Variants in MSRA observed in about 807,000 individuals in gnomAD.
MSRA encodes methionine sulfoxide reductase A.
In MSRA, 54 loss-of-function variants were observed where a neutral mutation model predicts 31.3. That is an observed-to-expected ratio of 1.73 (90% CI 1.39 to 2.17). MSRA has a LOEUF of 2.17. Ranked by LOEUF, MSRA falls within the 30% of genes most tolerant of loss-of-function variation. The pLI is 0.00. For missense variants in MSRA, 507 were observed against 300.9 expected (o/e 1.69, Z -5.07); for synonymous variants, 169 against 116.5 (o/e 1.45, Z -2.90).
At chr8:10,137,543 G>C (rs1422120258) in intron 1 of MSRA, among the ~76,000 whole-genome samples, 2 of 152,132 alleles carry the variant, frequency 1.3e-5, no homozygotes, top group Non-Finnish European at 2.9e-5. Flanking sequence ...TATAACAAAC[G>C]AACTAACCCA....
At chr8:10,297,723 C>G (rs779001923) in intron 3 of MSRA, among the ~76,000 whole-genome samples, 3 of 152,182 alleles carry the variant, frequency 2.0e-5, no homozygotes, top group Non-Finnish European at 2.9e-5. Flanking sequence ...GCAAATGAAT[C>G]TTGAATTTGA....
At chr8:10,422,546 G>A (rs1240588595) in intron 5 of MSRA, among the ~76,000 whole-genome samples, 2 of 152,168 alleles carry the variant, frequency 1.3e-5, no homozygotes, top group Non-Finnish European at 2.9e-5. Context: ...ATGTGTTACT[G>A]TATGCAGTCC....
chr8:10,220,547 T>C (rs978424034), intron 2 of MSRA, among the ~76,000 whole-genome samples: 1 of 152,222 alleles, frequency 6.6e-6, no homozygotes, highest in African/African-American at 2.4e-5. Flanking sequence ...TTTTATTTTA[T>C]TTTTTTGCCA....
At chr8:10,397,305 G>A (rs1455198038) in intron 5 of MSRA, among the ~76,000 whole-genome samples, 1 of 152,196 alleles carries the variant, frequency 6.6e-6, no homozygotes, top group Non-Finnish European at 1.5e-5. Flanking sequence ...AAAGGCCTTA[G>A]TATTGACCCT....
intron 5 of MSRA, among the ~76,000 whole-genome samples, chr8:10,392,993 C>T (rs991556648): frequency 7.5e-5 from 10 of 132,546 alleles, no homozygotes; most frequent in African/African-American, 8.6e-5. Context: ...ACCCGGGAGG[C>T]GGAGCTTGCA....
At chr8:10,244,636 A>C (rs1334743860) in intron 2 of MSRA, among the ~76,000 whole-genome samples, 1 of 152,234 alleles carries the variant, frequency 6.6e-6, no homozygotes, top group African/African-American at 2.4e-5. Context: ...GTTAATTGGA[A>C]ATATGCATGA....
chr8:10,148,527 A>G (rs534092974), intron 1 of MSRA, among the ~76,000 whole-genome samples: 2 of 152,078 alleles, frequency 1.3e-5, no homozygotes, highest in East Asian at 1.9e-4. Flanking sequence ...CACATCTGCA[A>G]TTCCAGCCGC....
At chr8:10,311,487 T>A (rs1801429346) in intron 4 of MSRA, among the ~76,000 whole-genome samples, 1 of 152,214 alleles carries the variant, frequency 6.6e-6, no homozygotes, top group Non-Finnish European at 1.5e-5. Flanking sequence ...GGGCGCCTTC[T>A]TCTCAATCAC....
At chr8:10,366,638 C>T (rs569527906) in intron 5 of MSRA, among the ~76,000 whole-genome samples, 2 of 152,310 alleles carry the variant, frequency 1.3e-5, no homozygotes, top group South Asian at 4.1e-4. Flanking sequence ...ATCCCTGCTC[C>T]CGCATCCCCT....
chr8:10,225,119 G>A (rs4077722), intron 2 of MSRA, among the ~76,000 whole-genome samples: 31,736 of 152,164 alleles, frequency 0.21, 4,212 homozygotes, highest in Admixed American at 0.36. Context: ...CCTGGGTGAC[G>A]GAGTGAGACT....
At chr8:10,425,635 A>C (rs1809107796) in intron 5 of MSRA, among the ~76,000 whole-genome samples, 1 of 152,230 alleles carries the variant, frequency 6.6e-6, no homozygotes, top group Non-Finnish European at 1.5e-5. Context: ...TGGCCATAGA[A>C]CATGGACGCC....
chr8:10,077,479 CTTTTTT>C (rs10714477), intron 1 of MSRA, among the ~76,000 whole-genome samples: 18 of 101,250 alleles, frequency 1.8e-4, no homozygotes, highest in African/African-American at 6.6e-4. Context: ...CTACCTTCTC[CTTTTTT>C]TTTTTTTTTT....
Position 10,054,398 on chromosome 8 carries a change from CG to C in MSRA, c.-118del. On this transcript the variant is annotated 5_prime_UTR_variant, in exon 1 of 6. Coordinates refer to ENST00000317173, the MANE Select transcript of MSRA (RefSeq NM_012331.5). ...CCGCCAGCAGCGCCCCGCGCCCGCCCGCCCGCGCCCCTGCCGCCCCCCGGTT... is the reference window on the plus strand; with the variant it reads ...CCGCCAGCAGCGCCCCGCGCCCGCCCCCCGCGCCCCTGCCGCCCCCCGGTT... 7.1e-4 allele frequency: 464 copies of C among 652,062 alleles called. No homozygotes were observed. Among genetic ancestry groups the C allele is most frequent in the Middle Eastern group, 1.0e-3 (2 of 1,930 alleles). 40.4% of individuals were successfully genotyped at this position (652,062 alleles called of 1,614,324 possible).
intron 1 of MSRA, among the ~76,000 whole-genome samples, chr8:10,164,596 C>A (rs1044604950): frequency 6.6e-6 from 1 of 152,192 alleles, no homozygotes; most frequent in Non-Finnish European, 1.5e-5. Flanking sequence ...CATACTTGTA[C>A]CCAAATCCTA....
chr8:10,211,317 G>A (rs1585178977), intron 2 of MSRA, among the ~76,000 whole-genome samples: 2 of 152,120 alleles, frequency 1.3e-5, no homozygotes, highest in African/African-American at 4.8e-5. Context: ...TTCTTATGTA[G>A]CCCAACAGTT....
chr8:10,129,447 T>G (rs188369506), intron 1 of MSRA, among the ~76,000 whole-genome samples: 2 of 152,140 alleles, frequency 1.3e-5, no homozygotes, highest in East Asian at 3.9e-4. Flanking sequence ...GTGAAATAAT[T>G]TCTTGGAATA....
chr8:10,322,313 G>C (rs1250736766), intron 5 of MSRA, among the ~76,000 whole-genome samples: 6 of 151,974 alleles, frequency 3.9e-5, no homozygotes, highest in Non-Finnish European at 5.9e-5. Flanking sequence ...GAGATGAGTT[G>C]GGCAGCTATT....
At chr8:10,159,167 A>T (rs1156805776) in intron 1 of MSRA, among the ~76,000 whole-genome samples, 1 of 152,212 alleles carries the variant, frequency 6.6e-6, no homozygotes, top group Non-Finnish European at 1.5e-5. Context: ...GGGAATCTAG[A>T]AATACTGTCC....
intron 3 of MSRA, among the ~76,000 whole-genome samples, chr8:10,297,673 A>G (rs746132605): frequency 4.7e-4 from 72 of 152,342 alleles, no homozygotes; most frequent in Non-Finnish European, 9.0e-4. Context: ...AGAAACTTAA[A>G]GGTGAGTTTG....
Sources: gnomAD v4.1 joint callset for allele counts (sites outside exome capture counted in the v4.1 genomes callset) on GRCh38, gnomAD v4.1.1 for gene constraint, MANE v1.5 for transcripts, NCBI Gene and HGNC (gene_info 2026-07-23, HGNC 2026-07-21) for gene names.